Variants in EMG1 observed in about 807,000 individuals in gnomAD.
EMG1 encodes the protein EMG1 N1-specific pseudouridine methyltransferase, also known as ribosomal RNA small subunit methyltransferase NEP1.
A neutral mutation model predicts 26.9 loss-of-function variants in EMG1; 24 were observed. That is an observed-to-expected ratio of 0.89 (90% CI 0.65 to 1.26). The LOEUF (loss-of-function observed/expected upper bound fraction) is 1.26. Ranked by LOEUF, EMG1 falls within the 50% of genes most tolerant of loss-of-function variation. EMG1 has a pLI of 0.00. For synonymous variants in EMG1, 140 were observed against 112.6 expected (o/e 1.24, Z -1.54); for missense variants, 299 against 307.6 (o/e 0.97, Z 0.21).
At position 6,977,105 on chromosome 12, in the gene EMG1, G is replaced by T; in HGVS notation, c.*1296G>T. The T allele has an allele frequency of 7.7e-7, 1 of 1,299,790 alleles. No homozygotes were observed. The highest frequency in any genetic ancestry group is 1.1e-6 in the Non-Finnish European group (1 of 894,922). The allele number at this position is 1,299,790 out of a possible 1,614,324, so 80.5% of individuals were successfully genotyped here. On this transcript the variant is annotated 3_prime_UTR_variant, in exon 6 of 6. Transcript: ENST00000599672. The surrounding 1 kb of genome is among the most constrained non-coding windows in gnomAD (Gnocchi z 4.5). ...TGTTGCTCTATTCTGTAACCTGGTG[G>T]TAGTTTTAGTTTAGCTGTATTAACT... is the stretch of plus-strand genomic sequence containing the variant.
At chr12:6,972,269 GA>G (rs1474344763) in intron 1 of EMG1, among the ~76,000 whole-genome samples, 6 of 152,070 alleles carry the variant, frequency 3.9e-5, no homozygotes, top group Non-Finnish European at 8.8e-5. Flanking sequence ...CTAATGGGTT[GA>G]AACTGTATTA....
chr12:6,978,667 C>G lies in EMG1; in HGVS notation c.*2858C>G, dbSNP rs782432908. On this transcript the variant is annotated 3_prime_UTR_variant, in exon 6 of 6. Transcript: ENST00000599672. Reference sequence around the variant, plus strand: ...CTTGCCCCAGATCAGCATGTACATGCAGCGGAACCAGAAGGGGTGGTTCTT... The same window carrying G: ...CTTGCCCCAGATCAGCATGTACATGGAGCGGAACCAGAAGGGGTGGTTCTT... 3.5e-5 allele frequency: 56 copies of G among 1,614,154 alleles called. No homozygotes were observed. The highest frequency in any genetic ancestry group is 4.7e-5 in the Non-Finnish European group (56 of 1,180,012).
rs782524772 is a variant in EMG1 at position 6,971,019 on chromosome 12, A to AT, written c.96_97insT (p.Gly33TrpfsTer10). ...CTCTGCCACCCAAGCGGCCCCGACT[A>AT]GGGGCAGGAAACAAGATCGGAGGCC... On this transcript the variant is annotated frameshift_variant, in exon 1 of 6. Coordinates refer to ENST00000599672, the MANE Select transcript of EMG1 (RefSeq NM_006331.8). LOFTEE classifies it high-confidence loss of function. The AT allele has an allele frequency of 5.0e-6, 8 of 1,611,640 alleles. No individual in the cohort carries two copies. Among genetic ancestry groups the AT allele is most frequent in the Non-Finnish European group, 5.9e-6 (7 of 1,178,694 alleles).
rs935678447 is a variant in EMG1, at chr12:6,976,032, C to T, written c.*223C>T. On this transcript the variant is annotated 3_prime_UTR_variant, in exon 6 of 6. Transcript: ENST00000599672. The stretch of plus-strand genomic sequence containing the variant: ...CAGTGGTGTAAAACTGTTTGTTCCC[C>T]GGGACTTCAGGGACAGATAGGAGGT... 3.0e-5 allele frequency: 14 copies of T among 468,614 alleles called. No homozygotes were observed. Among genetic ancestry groups the T allele is most frequent in the East Asian group, 6.9e-5 (2 of 29,012 alleles). 29.0% of individuals were successfully genotyped at this position (468,614 alleles called of 1,614,324 possible).
chr12:6,977,852 T>TC lies in EMG1; in HGVS notation c.*2046dup. On this transcript the variant is annotated 3_prime_UTR_variant, in exon 6 of 6. Transcript: ENST00000599672. This position sits in a 1 kb window ranked among gnomAD's most constrained non-coding sequence, Gnocchi z 4.5. ...GGATTGGATTGGAGTGCTGGTGGGTTCCCACGTGTAGCCCCCAGAGGGTAC... is the reference window on the plus strand; with the variant it reads ...GGATTGGATTGGAGTGCTGGTGGGTTCCCCACGTGTAGCCCCCAGAGGGTAC... The TC allele has an allele frequency of 7.4e-7, 1 of 1,350,736 alleles. No individual in the cohort carries two copies. The allele number at this position is 1,350,736 out of a possible 1,614,324, so 83.7% of individuals were successfully genotyped here.
At position 6,970,999 on chromosome 12, in the gene EMG1, C is replaced by A; in HGVS notation, c.76C>A (p.Pro26Thr). The A allele has an allele frequency of 6.2e-7, 1 of 1,612,006 alleles. No homozygotes were observed. Among genetic ancestry groups the A allele is most frequent in the South Asian group, 1.1e-5 (1 of 90,652 alleles). The change falls in exon 1 of 6, where the codon CCA becomes ACA. Residue 26 changes from proline (P) to threonine (T), a missense_variant. Transcript: ENST00000599672. The part of the protein sequence containing the change: ...GEQAQDWDAL[P>T]PKRPRLGAGN... Reference sequence around the variant, plus strand: ...GCAGGCACAGGACTGGGATGCTCTGCCACCCAAGCGGCCCCGACTAGGGGC... The same window carrying A: ...GCAGGCACAGGACTGGGATGCTCTGACACCCAAGCGGCCCCGACTAGGGGC...
At chr12:6,994,146 CAT>C (rs1491513470) in intron 7 of EMG1, among the ~76,000 whole-genome samples, 4 of 152,082 alleles carry the variant, frequency 2.6e-5, no homozygotes, top group Non-Finnish European at 4.4e-5. Flanking sequence ...TTTGTGTGAA[CAT>C]ATGTTTTTAT....
intron 6 of EMG1, among the ~76,000 whole-genome samples, chr12:6,985,709 T>C (rs1946518799): frequency 6.6e-6 from 1 of 151,570 alleles, no homozygotes; most frequent in Non-Finnish European, 1.5e-5. Context: ...AGCGAGACTC[T>C]GTCTCAAAAC....
At chr12:6,994,469 A>C (rs1555155844) in intron 7 of EMG1, among the ~76,000 whole-genome samples, 1 of 151,814 alleles carries the variant, frequency 6.6e-6, no homozygotes, top group East Asian at 1.9e-4. Context: ...TGGCGTCCCA[A>C]AGTGCTGGGA....
chr12:6,994,756 A>G (rs1408034048), intron 7 of EMG1, among the ~76,000 whole-genome samples: 4 of 152,166 alleles, frequency 2.6e-5, no homozygotes, highest in African/African-American at 7.2e-5. Flanking sequence ...TGCTTGGCCA[A>G]TGTTCACTCT....
chr12:6,990,564 AATTG>A (rs879976969), downstream of EMG1, among the ~76,000 whole-genome samples: 238 of 117,564 alleles, frequency 2.0e-3, 1 homozygote, highest in South Asian at 0.02. Flanking sequence ...TAAATAAATA[AATTG>A]AGCACCCCAA....
intron 7 of EMG1, among the ~76,000 whole-genome samples, chr12:6,994,228 G>A (rs1255881701): frequency 2.6e-5 from 4 of 152,012 alleles, no homozygotes; most frequent in Admixed American, 2.6e-4. Flanking sequence ...TTCCCTTTGG[G>A]ACAGAGTCTC....
At position 6,977,840 on chromosome 12, in the gene EMG1, G is replaced by A. The variant is rs1946425614; in HGVS notation, c.*2031G>A. 2 of 1,457,732 alleles carry A rather than the reference G, an allele frequency of 1.4e-6. No individual in the cohort carries two copies. Among genetic ancestry groups the A allele is most frequent in the Non-Finnish European group, 1.9e-6 (2 of 1,051,246 alleles). 90.3% of individuals were successfully genotyped at this position (1,457,732 alleles called of 1,614,324 possible). ...TCCTCACCCTGAGGATTGGATTGGA[G>A]TGCTGGTGGGTTCCCACGTGTAGCC... On this transcript the variant is annotated 3_prime_UTR_variant, in exon 6 of 6. Coordinates refer to ENST00000599672, the MANE Select transcript of EMG1 (RefSeq NM_006331.8). The surrounding 1 kb of genome is among the most constrained non-coding windows in gnomAD (Gnocchi z 4.5).
At chr12:6,974,754 G>A (rs1436999540) in intron 3 of EMG1, 61 bp downstream of exon 3, 1 of 1,558,346 alleles carries the variant, frequency 6.4e-7, no homozygotes, top group African/African-American at 1.4e-5. Context: ...GGAGGAAGAG[G>A]AAAAGGGAGA....
downstream of EMG1, chr12:6,981,733 G>A (rs782339327): frequency 3.3e-4 from 469 of 1,402,566 alleles, 4 homozygotes; most frequent in Non-Finnish European, 4.4e-4. Flanking sequence ...GGGGGCGGAG[G>A]GGGGGTGCCG....
Position 6,978,683 on chromosome 12 carries a change from G to A in EMG1, c.*2874G>A. 1 of 1,614,088 alleles carries A rather than the reference G, an allele frequency of 6.2e-7. No homozygotes were observed. Among genetic ancestry groups the A allele is most frequent in the South Asian group, 1.1e-5 (1 of 91,066 alleles). ...ATGTACATGCAGCGGAACCAGAAGG[G>A]GTGGTTCTTGAGGGAAGAAAGCACA... On this transcript the variant is annotated 3_prime_UTR_variant, in exon 6 of 6. Coordinates refer to ENST00000599672, the MANE Select transcript of EMG1 (RefSeq NM_006331.8).
chr12:6,978,416 C>T lies in EMG1; in HGVS notation c.*2607C>T. ...GAAGCGGGGGTTTGTTTCAAAGAGCCACACCTTCATGTTGGCACAGGCATC... is the reference window on the plus strand; with the variant it reads ...GAAGCGGGGGTTTGTTTCAAAGAGCTACACCTTCATGTTGGCACAGGCATC... On this transcript the variant is annotated 3_prime_UTR_variant, in exon 6 of 6. Coordinates refer to ENST00000599672, the MANE Select transcript of EMG1 (RefSeq NM_006331.8). 5.6e-6 allele frequency: 9 copies of T among 1,614,066 alleles called. No homozygotes were observed. The highest frequency in any genetic ancestry group is 7.6e-6 in the Non-Finnish European group (9 of 1,180,012).
At position 6,972,054 on chromosome 12, in the gene EMG1, G is replaced by A. The variant is rs868992136; in HGVS notation, c.168+963G>A. ...AAGTCAGGCCAGGATTTTAATCTTC[G>A]TTCTAAATACACTTTTTTTTTTTTT... On this transcript the variant is annotated intron_variant, in intron 1 of 5. Coordinates refer to ENST00000599672, the MANE Select transcript of EMG1 (RefSeq NM_006331.8). Among the ~76,000 whole-genome samples, 79 of 148,018 alleles carry A rather than the reference G, an allele frequency of 5.3e-4. No individual in the cohort carries two copies. The Middle Eastern group carries it at 0.024, about 46-fold the overall frequency.
chr12:6,973,004 ATTT>A (rs11462026), intron 1 of EMG1, among the ~76,000 whole-genome samples: 6 of 137,584 alleles, frequency 4.4e-5, no homozygotes, highest in Admixed American at 7.3e-5. Context: ...CGCCTGGCTA[ATTT>A]TTTTTTTTTT....
Sources: gnomAD v4.1 joint callset for allele counts (sites outside exome capture counted in the v4.1 genomes callset) on GRCh38, gnomAD v4.1.1 for gene constraint, Gnocchi (gnomAD v3.1) non-coding constraint, MANE v1.5 for transcripts, NCBI Gene and HGNC (gene_info 2026-07-23, HGNC 2026-07-21) for gene names.